The following ST6GALNAC3 variants were observed in gnomAD, a reference collection of about 807,000 sequenced individuals.
ST6GALNAC3 encodes the protein ST6 N-acetylgalactosaminide alpha-2,6-sialyltransferase 3.
ST6GALNAC3 carries 25 observed loss-of-function variants against 32.7 expected under a neutral mutation model. The ratio of observed to expected loss-of-function variants is 0.76; its 90% CI spans 0.56 to 1.07. The LOEUF (loss-of-function observed/expected upper bound fraction) is 1.07. ST6GALNAC3 is among the 50% of genes least tolerant of loss of function. The probability of loss-of-function intolerance (pLI) is 0.00; values close to 1 mark genes in which losing one functional copy is unlikely to be tolerated. For missense variants in ST6GALNAC3, 355 were observed against 382.4 expected (o/e 0.93, Z 0.60); for synonymous variants, 129 against 133.1 (o/e 0.97, Z 0.21).
intron 1 of ST6GALNAC3, among the ~76,000 whole-genome samples, chr1:76,263,807 C>T (rs897734943): frequency 6.6e-6 from 1 of 152,130 alleles, no homozygotes; most frequent in African/African-American, 2.4e-5. Flanking sequence ...TCAGGGTCAC[C>T]CCTTGTGGGG....
intron 3 of ST6GALNAC3, among the ~76,000 whole-genome samples, chr1:76,567,057 G>A (rs564006312): frequency 6.6e-6 from 1 of 152,236 alleles, no homozygotes; most frequent in African/African-American, 2.4e-5. Context: ...AAGGAGGGAG[G>A]AATCTAGGAC....
chr1:76,370,437 C>T (rs1424790572), intron 2 of ST6GALNAC3, among the ~76,000 whole-genome samples: 1 of 152,090 alleles, frequency 6.6e-6, no homozygotes, highest in Non-Finnish European at 1.5e-5. Flanking sequence ...ATGGTTAATT[C>T]TCATTTGAAA....
At chr1:76,388,953 C>A (rs1652307224) in intron 2 of ST6GALNAC3, among the ~76,000 whole-genome samples, 1 of 149,908 alleles carries the variant, frequency 6.7e-6, no homozygotes, top group Admixed American at 6.7e-5. Flanking sequence ...GATAAACCTT[C>A]CTCCTAAGGT....
At chr1:76,450,696 A>G (rs898691237) in intron 3 of ST6GALNAC3, among the ~76,000 whole-genome samples, 7 of 152,180 alleles carry the variant, frequency 4.6e-5, no homozygotes, top group African/African-American at 1.7e-4. Flanking sequence ...GGTCTTAGAT[A>G]TAAATGCTTG....
intron 3 of ST6GALNAC3, among the ~76,000 whole-genome samples, chr1:76,440,190 T>G (rs905236728): frequency 6.6e-6 from 1 of 152,154 alleles, no homozygotes; most frequent in Non-Finnish European, 1.5e-5. Flanking sequence ...AAGTATGAAG[T>G]GTGCTGAAGG....
Position 76,578,611 on chromosome 1 carries a change from C to T in ST6GALNAC3, c.624-48841C>T, listed in dbSNP as rs185995958. Among the ~76,000 whole-genome samples, 69 of 152,034 alleles carry T rather than the reference C, an allele frequency of 4.5e-4. No homozygotes were observed. The Middle Eastern group carries it at 0.01, about 22-fold the overall frequency. Reference sequence around the variant, plus strand: ...GCTCTAAAATATGGAATTTCTAAGTCGAGTGCATTTTCTCCAGGCTAAAAT... The same window carrying T: ...GCTCTAAAATATGGAATTTCTAAGTTGAGTGCATTTTCTCCAGGCTAAAAT... On this transcript the variant is annotated intron_variant, in intron 3 of 4. Transcript: ENST00000328299.
In ST6GALNAC3 at chr1:76,213,002, C is replaced by T. The variant is rs183307728; in HGVS notation, c.19-100803C>T. Reference sequence around the variant, plus strand: ...TTAAATTTACTGCATATGCTTGAAACGAATAGCTGAATTAATAAATGAATG... The same window carrying T: ...TTAAATTTACTGCATATGCTTGAAATGAATAGCTGAATTAATAAATGAATG... On this transcript the variant is annotated intron_variant, in intron 1 of 4. Coordinates refer to ENST00000328299, the MANE Select transcript of ST6GALNAC3 (RefSeq NM_152996.4). Among the ~76,000 whole-genome samples, 4 of 152,268 alleles carry T rather than the reference C, an allele frequency of 2.6e-5. No individual in the cohort carries two copies. The East Asian group carries it at 5.8e-4, about 22-fold the overall frequency.
chr1:76,133,086 G>A (rs964409187), intron 1 of ST6GALNAC3, among the ~76,000 whole-genome samples: 4 of 152,084 alleles, frequency 2.6e-5, no homozygotes, highest in African/African-American at 9.7e-5. Context: ...TAGGGGGATG[G>A]GTTGTCAACT....
At chr1:76,293,524 G>T (rs1257407614) in intron 1 of ST6GALNAC3, among the ~76,000 whole-genome samples, 1 of 152,138 alleles carries the variant, frequency 6.6e-6, no homozygotes, top group Non-Finnish European at 1.5e-5. Context: ...CCACATTACT[G>T]GTTAATAGAA....
At chr1:76,200,880 G>T (rs2100539352) in intron 1 of ST6GALNAC3, among the ~76,000 whole-genome samples, 1 of 152,130 alleles carries the variant, frequency 6.6e-6, no homozygotes, top group Non-Finnish European at 1.5e-5. Flanking sequence ...GATGGAGTGG[G>T]GACCAGAAAC....
At chr1:76,136,602 C>T (rs748067595) in intron 1 of ST6GALNAC3, among the ~76,000 whole-genome samples, 3 of 151,906 alleles carry the variant, frequency 2.0e-5, no homozygotes, top group Non-Finnish European at 4.4e-5. Flanking sequence ...TTTAGATGAG[C>T]AAAGCCAAGA....
intron 3 of ST6GALNAC3, among the ~76,000 whole-genome samples, chr1:76,445,083 T>A (rs1337033248): frequency 6.6e-6 from 1 of 152,190 alleles, no homozygotes; most frequent in East Asian, 1.9e-4. Flanking sequence ...AAATCAAGAA[T>A]TTCCATTAAC....
At chr1:76,504,822 T>C (rs1271376650) in intron 3 of ST6GALNAC3, among the ~76,000 whole-genome samples, 1 of 152,176 alleles carries the variant, frequency 6.6e-6, no homozygotes, top group Non-Finnish European at 1.5e-5. Context: ...GTGTCAATAC[T>C]AGGTATTCAG....
intron 3 of ST6GALNAC3, among the ~76,000 whole-genome samples, chr1:76,478,024 G>A (rs1429279335): frequency 6.6e-6 from 1 of 152,166 alleles, no homozygotes; most frequent in African/African-American, 2.4e-5. Flanking sequence ...AAGGGGAGTA[G>A]CAAGGACTGG....
intron 1 of ST6GALNAC3, among the ~76,000 whole-genome samples, chr1:76,109,056 T>C (rs966375334): frequency 1.3e-5 from 2 of 152,318 alleles, no homozygotes; most frequent in East Asian, 3.9e-4. Context: ...TCTCTAAAAA[T>C]TCTGGTGCAG....
rs764930195 is a variant in ST6GALNAC3 at position 76,209,207 on chromosome 1, T to C, written c.19-104598T>C. On this transcript the variant is annotated intron_variant, in intron 1 of 4. Transcript: ENST00000328299. ...GAGGTTTTTGAGGTTGTGTCTATTA[T>C]AATGTCTGCTTCTACCCGGAGTCCA... Among the ~76,000 whole-genome samples, 93 of 152,236 alleles carry C rather than the reference T, an allele frequency of 6.1e-4. 1 individual carries two copies. Among genetic ancestry groups the C allele is most frequent in the Non-Finnish European group, 1.3e-4 (9 of 68,040 alleles).
intron 2 of ST6GALNAC3, among the ~76,000 whole-genome samples, chr1:76,327,275 C>CGTGT (rs3079480): frequency 0.034 from 4,712 of 138,666 alleles, 124 homozygotes; most frequent in East Asian, 0.14. Flanking sequence ...TGTATATATG[C>CGTGT]GTGTGTGTGT....
At chr1:76,278,623 G>T (rs1298365064) in intron 1 of ST6GALNAC3, among the ~76,000 whole-genome samples, 1 of 151,956 alleles carries the variant, frequency 6.6e-6, no homozygotes, top group East Asian at 1.9e-4. Flanking sequence ...GAAAGAGTTT[G>T]TCTATCTGCT....
chr1:76,398,575 G>A (rs960610983), intron 2 of ST6GALNAC3, among the ~76,000 whole-genome samples: 4 of 152,056 alleles, frequency 2.6e-5, no homozygotes, highest in Admixed American at 6.6e-5. Context: ...TATATTTACT[G>A]ATGTTGTTTA....
Sources: allele counts gnomAD v4.1 joint callset (sites outside exome capture counted in the v4.1 genomes callset), GRCh38; gene constraint gnomAD v4.1.1; transcripts MANE v1.5; gene names NCBI Gene and HGNC (gene_info 2026-07-23, HGNC 2026-07-21).